Variants in SPECC1L observed in about 807,000 individuals in gnomAD.
SPECC1L encodes sperm antigen with calponin homology and coiled-coil domains 1 like, also known as cytospin-A.
Under a neutral mutation model 116.8 loss-of-function variants are expected in SPECC1L, and 40 were observed. The ratio of observed to expected loss-of-function variants is 0.34; its 90% CI spans 0.27 to 0.45. The LOEUF (loss-of-function observed/expected upper bound fraction) is 0.45, where lower values mean the gene tolerates loss of function less well. SPECC1L is among the 20% of genes least tolerant of loss of function. The pLI, the probability that SPECC1L is intolerant of heterozygous loss-of-function variation, is 1.00. For synonymous variants in SPECC1L, 504 were observed against 500.6 expected (o/e 1.01, Z -0.09); for missense variants, 1,110 against 1,373.6 (o/e 0.81, Z 3.03).
Position 24,322,032 on chromosome 22 carries a change from A to C in SPECC1L, c.1052A>C (p.Glu351Ala). ...SMDNLDSECSEVYQPLTSSDD... is the reference protein window; with the variant it reads ...SMDNLDSECSAVYQPLTSSDD... ...GACAATTTAGACAGTGAGTGCAGTGAGGTCTACCAGCCCCTCACATCGAGC... is the reference window on the plus strand; with the variant it reads ...GACAATTTAGACAGTGAGTGCAGTGCGGTCTACCAGCCCCTCACATCGAGC... The change falls in exon 5 of 17, where the codon GAG becomes GCG. Residue 351 changes from glutamate to alanine, a missense_variant. This residue lies in a region of SPECC1L where 437 missense variants were observed against 482.6 expected (regional missense o/e 0.91). Coordinates refer to ENST00000314328, the MANE Select transcript of SPECC1L (RefSeq NM_015330.6). 1 of 1,614,202 alleles carries C rather than the reference A, an allele frequency of 6.2e-7. No homozygotes were observed. The highest frequency in any genetic ancestry group is 8.5e-7 in the Non-Finnish European group (1 of 1,180,042).
chr22:24,276,702 T>C lies in SPECC1L; in HGVS notation c.-139T>C. On this transcript the variant is annotated splice_region_variant and 5_prime_UTR_variant, in exon 2 of 17. Transcript: ENST00000314328. ...TATTCTTCCTCTCTCTCTTCTAGTGTTCTTGGGGAAGATCCCGACTAAGCC... is the reference window on the plus strand; with the variant it reads ...TATTCTTCCTCTCTCTCTTCTAGTGCTCTTGGGGAAGATCCCGACTAAGCC... 2.2e-6 allele frequency: 1 copy of C among 446,104 alleles called. No homozygotes were observed. The highest frequency in any genetic ancestry group is 1.6e-5 in the South Asian group (1 of 62,996). 27.6% of individuals were successfully genotyped at this position (446,104 alleles called of 1,614,324 possible).
chr22:24,306,693 C>T (rs2049505045), intron 3 of SPECC1L, among the ~76,000 whole-genome samples: 1 of 152,204 alleles, frequency 6.6e-6, no homozygotes, highest in Non-Finnish European at 1.5e-5. Flanking sequence ...TTTAAGTGTG[C>T]AGTTCAGTTC....
At position 24,376,400 on chromosome 22, in the gene SPECC1L, G is replaced by T. The variant is rs148017084; in HGVS notation, c.3087+7080G>T. Among the ~76,000 whole-genome samples, 384 of 152,262 alleles carry T rather than the reference G, an allele frequency of 2.5e-3. 1 individual carries two copies. Among genetic ancestry groups the T allele is most frequent in the African/African-American group, 8.7e-3 (361 of 41,550 alleles). The stretch of plus-strand genomic sequence containing the variant: ...AAATCCAGAAAAGTTGAAGATGCAA[G>T]ATCAGTATACAAAACTCACTTGCAT... On this transcript the variant is annotated intron_variant, in intron 14 of 16. Transcript: ENST00000314328.
At chr22:24,347,062 A>T (rs764680759) in intron 10 of SPECC1L, 24 bp from the exon 11 acceptor site, 9 of 1,574,006 alleles carry the variant, frequency 5.7e-6, no homozygotes, top group Non-Finnish European at 7.9e-6. Context: ...TTTAACTTTG[A>T]TGTTGTTTAT....
intron 2 of SPECC1L, among the ~76,000 whole-genome samples, chr22:24,285,393 G>T (rs1328377262): frequency 6.6e-6 from 1 of 152,152 alleles, no homozygotes; most frequent in Non-Finnish European, 1.5e-5. Flanking sequence ...TCTACTTAAA[G>T]ATGAAAGACC....
intron 4 of SPECC1L, among the ~76,000 whole-genome samples, chr22:24,315,504 T>C (rs2040543665): frequency 1.3e-5 from 2 of 152,278 alleles, no homozygotes; most frequent in Non-Finnish European, 2.9e-5. Flanking sequence ...CCTGGGGTCA[T>C]CACCACATTT....
chr22:24,340,445 C>A (rs1429209195), intron 10 of SPECC1L, among the ~76,000 whole-genome samples: 1 of 152,170 alleles, frequency 6.6e-6, no homozygotes. Flanking sequence ...CTGTGCGCAG[C>A]TGATTTAATG....
intron 10 of SPECC1L, among the ~76,000 whole-genome samples, chr22:24,346,558 A>G (rs563807785): frequency 2.0e-5 from 3 of 152,310 alleles, no homozygotes; most frequent in Admixed American, 1.3e-4. Context: ...TACTTTAAAG[A>G]TTCTCTTCCA....
At chr22:24,369,798 T>C (rs1257826663) in intron 14 of SPECC1L, among the ~76,000 whole-genome samples, 1 of 152,244 alleles carries the variant, frequency 6.6e-6, no homozygotes, top group Non-Finnish European at 1.5e-5. Context: ...TGTAGCACTT[T>C]CTTACTTAAG....
intron 14 of SPECC1L, among the ~76,000 whole-genome samples, chr22:24,371,777 A>C (rs2041875474): frequency 6.6e-6 from 1 of 152,220 alleles, no homozygotes; most frequent in African/African-American, 2.4e-5. Context: ...GCTGGACTGC[A>C]GTGGTGCGAC....
Position 24,338,310 on chromosome 22 carries a change from G to T in SPECC1L, c.2561-76G>T. 24 of 1,413,546 alleles carry T rather than the reference G, an allele frequency of 1.7e-5. No homozygotes were observed. In the South Asian group the frequency reaches 2.8e-4, roughly 16 times the overall value. The allele number at this position is 1,413,546 out of a possible 1,614,324, so 87.6% of individuals were successfully genotyped here. A position where few individuals can be genotyped will look rare whatever the true frequency, so the allele number is the denominator to read the frequency against. ...GTTTGAGAGCATTGGGTAATCAGGC[G>T]AGTCCTTAAGTGGAGACCAGTTAAG... On this transcript the variant is annotated intron_variant, in intron 9 of 16. Transcript: ENST00000314328.
chr22:24,291,129 ATATATT>A (rs1160375642), intron 2 of SPECC1L, among the ~76,000 whole-genome samples: 1 of 152,228 alleles, frequency 6.6e-6, no homozygotes, highest in Non-Finnish European at 1.5e-5. Flanking sequence ...AGAGAGATAA[ATATATT>A]TAGATTGCTT....
intron 8 of SPECC1L, 60 bp downstream of exon 8, chr22:24,330,491 T>G: frequency 6.4e-7 from 1 of 1,569,966 alleles, no homozygotes; most frequent in Non-Finnish European, 8.8e-7. Context: ...TAAATCCCAA[T>G]TTTTGATGTG....
chr22:24,398,730 G>T (rs970220646), intron 14 of SPECC1L, among the ~76,000 whole-genome samples: 2 of 152,042 alleles, frequency 1.3e-5, no homozygotes, highest in Non-Finnish European at 2.9e-5. Flanking sequence ...ATTAAAGAAG[G>T]CCCCCCTGGA....
At chr22:24,303,534 C>T (rs2049425172) in intron 3 of SPECC1L, among the ~76,000 whole-genome samples, 1 of 152,110 alleles carries the variant, frequency 6.6e-6, no homozygotes, top group African/African-American at 2.4e-5. Context: ...GCGTGGAGTG[C>T]CTGTGTGACT....
intron 11 of SPECC1L, among the ~76,000 whole-genome samples, chr22:24,358,269 C>T (rs1386657898): frequency 6.6e-6 from 1 of 151,790 alleles, no homozygotes; most frequent in Non-Finnish European, 1.5e-5. Context: ...TGTGCACCAC[C>T]ATGTCCGGCT....
chr22:24,361,469 T>C (rs146043144), intron 11 of SPECC1L, among the ~76,000 whole-genome samples: 24 of 152,192 alleles, frequency 1.6e-4, no homozygotes, highest in African/African-American at 5.8e-4. Flanking sequence ...TTGGCCAACA[T>C]GGCAAAACCC....
At chr22:24,361,772 G>A (rs892697069) in intron 11 of SPECC1L, among the ~76,000 whole-genome samples, 2 of 151,864 alleles carry the variant, frequency 1.3e-5, no homozygotes, top group South Asian at 2.1e-4. Context: ...CTTCAGCCTG[G>A]ACAATAGAGA....
chr22:24,301,601 CAG>C (rs971716230), intron 2 of SPECC1L, among the ~76,000 whole-genome samples: 2 of 152,010 alleles, frequency 1.3e-5, no homozygotes, highest in African/African-American at 4.8e-5. Context: ...ACAGTACTGA[CAG>C]TGAAAAACAG....
Sources: gnomAD v4.1 joint callset for allele counts (sites outside exome capture counted in the v4.1 genomes callset) on GRCh38, gnomAD v4.1.1 for gene constraint, gnomAD v4.1.1 regional missense constraint, MANE v1.5 for transcripts, NCBI Gene and HGNC (gene_info 2026-07-23, HGNC 2026-07-21) for gene names.